Variants in EBLN1 observed in about 807,000 individuals in gnomAD.
EBLN1 encodes endogenous Bornavirus-like nucleoprotein 1.
Under a neutral mutation model 0.8 loss-of-function variants are expected in EBLN1, and 1 was observed. The observed-to-expected ratio is 1.32, with a 90% CI of 0.47 to 6.26. The LOEUF (loss-of-function observed/expected upper bound fraction) is 6.26. Ranked by LOEUF, EBLN1 falls within the 30% of genes most tolerant of loss-of-function variation. The probability of loss-of-function intolerance (pLI) is 0.15; values close to 1 mark genes in which losing one functional copy is unlikely to be tolerated. For missense variants in EBLN1, 396 were observed against 447.9 expected (o/e 0.88, Z 1.05); for synonymous variants, 158 against 158.5 (o/e 1.00, Z 0.02).
chr10:22,214,711 G>T (rs554631668), intron 1 of EBLN1, among the ~76,000 whole-genome samples: 1 of 152,170 alleles, frequency 6.6e-6, no homozygotes, highest in Non-Finnish European at 1.5e-5. Context: ...TGCATAAAAG[G>T]AGGTATGAAC....
chr10:22,216,302 C>T lies in EBLN1; in HGVS notation c.-169+1614G>A, dbSNP rs1034445410. 3.9e-5 allele frequency among the ~76,000 whole-genome samples: 6 copies of T among 152,190 alleles called. No individual in the cohort carries two copies. The South Asian group carries it at 1.2e-3, about 32-fold the overall frequency. ...ACAAAAACAAATTAGTGATAACATA[C>T]CCCTCAATCCATATATGTGATGTAT... On this transcript the variant is annotated intron_variant, in intron 1 of 2. Coordinates refer to ENST00000422359, the MANE Select transcript of EBLN1 (RefSeq NM_001394757.1).
rs1393308273 is a variant in EBLN1, at chr10:22,209,711, CT to C, written c.272del (p.Lys91ArgfsTer8). On this transcript the variant is annotated frameshift_variant, in exon 3 of 3. Coordinates refer to ENST00000422359, the MANE Select transcript of EBLN1 (RefSeq NM_001394757.1). LOFTEE classifies it low-confidence loss of function (END_TRUNC). ...FLCFIFDGLHKALLSVGVSKR... is the reference protein window; with the variant it reads ...FLCFIFDGLHXALLSVGVSKR... ...TGCTCACACCGACACTGAGTAGTGCCTTGTGTAATCCATCGAATATAAAACA... is the reference window on the plus strand; with the variant it reads ...TGCTCACACCGACACTGAGTAGTGCCTGTGTAATCCATCGAATATAAAACA... 4 of 1,535,774 alleles carry C rather than the reference CT, an allele frequency of 2.6e-6. No homozygotes were observed. The highest frequency in any genetic ancestry group is 3.5e-6 in the Non-Finnish European group (4 of 1,146,948).
chr10:22,210,126 A>G, intron 2 of EBLN1, 99 bp from the exon 3 acceptor site: 1 of 1,091,084 alleles, frequency 9.2e-7, no homozygotes. Context: ...ACTTCTTAGT[A>G]ATATTCAGTT....
chr10:22,216,289 T>G (rs1294693926), intron 1 of EBLN1, among the ~76,000 whole-genome samples: 1 of 152,108 alleles, frequency 6.6e-6, no homozygotes, highest in Non-Finnish European at 1.5e-5. Context: ...AAAAACAAAT[T>G]AGTGATAACA....
chr10:22,209,304 A>C lies in EBLN1; in HGVS notation c.680T>G (p.Val227Gly). Residue 227 changes from valine (V) to glycine (G), a missense_variant, in exon 3 of 3, where the codon GTA becomes GGA. By Grantham distance (109) the Val-to-Gly change is moderately radical (BLOSUM62 -3). Coordinates refer to ENST00000422359, the MANE Select transcript of EBLN1 (RefSeq NM_001394757.1). ...CATCATCTGTGCTTTGCTGGCAACT[A>C]CTTTAACTTGATCAAGTAGCTCGCA... is the stretch of plus-strand genomic sequence containing the variant. ...PACELLDQVK[V>G]VASKAQMMTY... 6.3e-7 allele frequency: 1 copy of C among 1,598,730 alleles called. No homozygotes were observed. The highest frequency in any genetic ancestry group is 8.5e-7 in the Non-Finnish European group (1 of 1,179,218).
Position 22,208,851 on chromosome 10 carries a change from T to A in EBLN1, c.*32A>T, listed in dbSNP as rs1484384531. On this transcript the variant is annotated 3_prime_UTR_variant, in exon 3 of 3. Coordinates refer to ENST00000422359, the MANE Select transcript of EBLN1 (RefSeq NM_001394757.1). Reference sequence around the variant, plus strand: ...GTGATTTTCACATAATTTCTTTTTATATGTATATATAAGGATTAGTTCACG... The same window carrying A: ...GTGATTTTCACATAATTTCTTTTTAAATGTATATATAAGGATTAGTTCACG... The A allele has an allele frequency of 4.8e-6, 7 of 1,458,886 alleles. No individual in the cohort carries two copies. In the Admixed American group the frequency reaches 1.9e-4, roughly 39 times the overall value. 90.4% of individuals were successfully genotyped at this position (1,458,886 alleles called of 1,614,324 possible).
rs751918539 is a variant in EBLN1 at position 22,209,219 on chromosome 10, G to A, written c.765C>T (p.Pro255=). Residue 255 remains proline (P), a synonymous_variant, in exon 3 of 3, where the codon CCC becomes CCT. Transcript: ENST00000422359. Reference sequence around the variant, plus strand: ...AAACTGGAATCTCCAACACAACAGCGGGTAAAGCAGTGGAACCATCCACAC... The same window carrying A: ...AAACTGGAATCTCCAACACAACAGCAGGTAAAGCAGTGGAACCATCCACAC... The part of the protein sequence containing the change: ...DQCVDGSTAL[P]AVVLEIPVFE... 4.6e-5 allele frequency: 71 copies of A among 1,544,360 alleles called. No individual in the cohort carries two copies. Among genetic ancestry groups the A allele is most frequent in the African/African-American group, 3.0e-4 (22 of 73,424 alleles).
chr10:22,213,425 C>G (rs552321710), intron 1 of EBLN1, among the ~76,000 whole-genome samples: 16 of 152,062 alleles, frequency 1.1e-4, no homozygotes, highest in Non-Finnish European at 1.9e-4. Flanking sequence ...TCAACAAAGA[C>G]ATACCTGTGA....
At chr10:22,211,779 C>G (rs1271895615) in intron 2 of EBLN1, among the ~76,000 whole-genome samples, 1 of 152,130 alleles carries the variant, frequency 6.6e-6, no homozygotes, top group Non-Finnish European at 1.5e-5. Flanking sequence ...CCCTCCGCCA[C>G]AGCCTCCCCA....
intron 1 of EBLN1, among the ~76,000 whole-genome samples, chr10:22,215,260 C>T (rs2148959): frequency 0.36 from 54,798 of 151,958 alleles, 12,093 homozygotes; most frequent in African/African-American, 0.63. Flanking sequence ...TCAAAAGTCA[C>T]TCAACTGTTT....
In EBLN1 at chr10:22,209,709, G is replaced by A; in HGVS notation, c.275C>T (p.Ala92Val). 3.9e-6 allele frequency: 6 copies of A among 1,535,874 alleles called. No homozygotes were observed. The highest frequency in any genetic ancestry group is 5.2e-6 in the Non-Finnish European group (6 of 1,146,928). The stretch of plus-strand genomic sequence containing the variant: ...TTTGCTCACACCGACACTGAGTAGT[G>A]CCTTGTGTAATCCATCGAATATAAA... ...LCFIFDGLHK[A>V]LLSVGVSKRS... Residue 92 changes from alanine to valine, a missense_variant, in exon 3 of 3, where the codon GCA becomes GTA. Coordinates refer to ENST00000422359, the MANE Select transcript of EBLN1 (RefSeq NM_001394757.1).
In EBLN1 at chr10:22,209,471, G is replaced by A. The variant is rs753971602; in HGVS notation, c.513C>T (p.Ser171=). 3.8e-6 allele frequency: 6 copies of A among 1,596,996 alleles called. No homozygotes were observed. In the South Asian group the frequency reaches 6.6e-5, roughly 18 times the overall value. The change falls in exon 3 of 3, where the codon TCC becomes TCT. Residue 171 remains serine, a synonymous_variant. Transcript: ENST00000422359. ...VQRQFKAMMI[S]IGRPLHSESA... ...TTTCACTATGCAAAGGTCTTCCAAT[G>A]GATATCATCATTGCCTTGAATTGTC...
intron 2 of EBLN1, among the ~76,000 whole-genome samples, chr10:22,210,969 G>A (rs1393506523): frequency 6.6e-6 from 1 of 152,162 alleles, no homozygotes; most frequent in Non-Finnish European, 1.5e-5. Context: ...GCTCTCTGGG[G>A]TTTTTAAAAA....
At chr10:22,211,940 C>T (rs1202874138) in intron 2 of EBLN1, among the ~76,000 whole-genome samples, 2 of 152,204 alleles carry the variant, frequency 1.3e-5, no homozygotes, top group Non-Finnish European at 2.9e-5. Flanking sequence ...TCCCATGTCT[C>T]AAACATTTAG....
intron 1 of EBLN1, among the ~76,000 whole-genome samples, 86 bp downstream of exon 1, chr10:22,217,830 A>G (rs555028926): frequency 1.4e-4 from 21 of 152,366 alleles, no homozygotes; most frequent in African/African-American, 4.8e-4. Flanking sequence ...AGGAGTAACT[A>G]GGTGTATTAG....
chr10:22,209,453 A>G lies in EBLN1; in HGVS notation c.531T>C (p.His177=). 10 of 1,598,514 alleles carry G rather than the reference A, an allele frequency of 6.3e-6. No homozygotes were observed. Among genetic ancestry groups the G allele is most frequent in the Non-Finnish European group, 8.5e-6 (10 of 1,179,618 alleles). ...TAATTAATAAATCAGCACTTTCACTATGCAAAGGTCTTCCAATGGATATCA... is the reference window on the plus strand; with the variant it reads ...TAATTAATAAATCAGCACTTTCACTGTGCAAAGGTCTTCCAATGGATATCA... ...AMMISIGRPL[H]SESADLLISY... Residue 177 remains histidine (H), a synonymous_variant, in exon 3 of 3, where the codon CAT becomes CAC. Coordinates refer to ENST00000422359, the MANE Select transcript of EBLN1 (RefSeq NM_001394757.1).
In EBLN1 at chr10:22,210,007, T is replaced by G. The variant is rs1834735826; in HGVS notation, c.-24A>C. 7.2e-7 allele frequency: 1 copy of G among 1,388,856 alleles called. No homozygotes were observed. Among genetic ancestry groups the G allele is most frequent in the African/African-American group, 1.4e-5 (1 of 69,514 alleles). The allele number at this position is 1,388,856 out of a possible 1,614,324, so 86.0% of individuals were successfully genotyped here. On this transcript the variant is annotated 5_prime_UTR_variant, in exon 3 of 3. Coordinates refer to ENST00000422359, the MANE Select transcript of EBLN1 (RefSeq NM_001394757.1). ...ATTGTGGGTGATTGTTTCTGTGATT[T>G]TCACACAATTTTGTACTGTACTAAA... is the stretch of plus-strand genomic sequence containing the variant.
rs75478401 is a variant in EBLN1 at position 22,211,766 on chromosome 10, C to A, written c.-45+1076G>T. 4.6e-3 allele frequency among the ~76,000 whole-genome samples: 695 copies of A among 152,178 alleles called. 6 individuals are homozygous for A. Among genetic ancestry groups the A allele is most frequent in the African/African-American group, 0.017 (686 of 41,528 alleles). ...CATCCCACGCTACCCCACGCTACCC[C>A]ACCCCTCCGCCACAGCCTCCCCAAG... is the stretch of plus-strand genomic sequence containing the variant. On this transcript the variant is annotated intron_variant, in intron 2 of 2. Transcript: ENST00000422359.
chr10:22,209,540 G>C lies in EBLN1; in HGVS notation c.444C>G (p.Ala148=). 6.5e-7 allele frequency: 1 copy of C among 1,547,858 alleles called. No individual in the cohort carries two copies. The highest frequency in any genetic ancestry group is 8.6e-7 in the Non-Finnish European group (1 of 1,157,650). Residue 148 remains alanine, a synonymous_variant, in exon 3 of 3, where the codon GCC becomes GCG. Coordinates refer to ENST00000422359, the MANE Select transcript of EBLN1 (RefSeq NM_001394757.1). ...TGGTGCATATCGGGTCACTCGATCCGGCAGCAATGCCTATCAGATCACAGC... is the reference window on the plus strand; with the variant it reads ...TGGTGCATATCGGGTCACTCGATCCCGCAGCAATGCCTATCAGATCACAGC... ...RHCCDLIGIA[A]GSSDPICTNS...
Sources: allele counts gnomAD v4.1 joint callset (sites outside exome capture counted in the v4.1 genomes callset), GRCh38; gene constraint gnomAD v4.1.1; transcripts MANE v1.5; gene names NCBI Gene and HGNC (gene_info 2026-07-23, HGNC 2026-07-21).